The following BACH2 variants were observed in gnomAD, a reference collection of about 807,000 sequenced individuals.
BACH2 encodes the protein transcription regulator protein BACH2.
BACH2 carries 5 observed loss-of-function variants against 61.8 expected under a neutral mutation model. That is an observed-to-expected ratio of 0.08 (90% CI 0.04 to 0.17). BACH2 has a LOEUF of 0.17. BACH2 is among the 10% of genes least tolerant of loss of function. The probability of loss-of-function intolerance (pLI) is 1.00; values close to 1 mark genes in which losing one functional copy is unlikely to be tolerated. For missense variants in BACH2, 824 were observed against 1,091.1 expected (o/e 0.76, Z 3.45); for synonymous variants, 446 against 440.1 (o/e 1.01, Z -0.17).
At chr6:89,986,665 A>G (rs1776258003) in intron 6 of BACH2, among the ~76,000 whole-genome samples, 1 of 152,150 alleles carries the variant, frequency 6.6e-6, no homozygotes, top group Non-Finnish European at 1.5e-5. Flanking sequence ...GGTGAGTAAA[A>G]CAAAGTCTTT....
chr6:90,221,325 A>C (rs956579359), intron 3 of BACH2, among the ~76,000 whole-genome samples: 1 of 152,172 alleles, frequency 6.6e-6, no homozygotes, highest in Non-Finnish European at 1.5e-5. Flanking sequence ...ATTTTATTGA[A>C]CACAAAACCT....
In BACH2 at chr6:89,944,514, A is replaced by G. The variant is rs530037158; in HGVS notation, c.1836+5756T>C. 4.6e-5 allele frequency among the ~76,000 whole-genome samples: 7 copies of G among 152,354 alleles called. No individual in the cohort carries two copies. In the East Asian group the frequency reaches 1.4e-3, roughly 29 times the overall value. On this transcript the variant is annotated intron_variant, in intron 7 of 8. Transcript: ENST00000257749. ...TTTATTAAGCAGACCAATTACAGAC[A>G]CTTCTAAAAACTTGCCTGATTCACC...
chr6:90,164,848 T>G (rs1476503750), intron 4 of BACH2, among the ~76,000 whole-genome samples: 1 of 152,176 alleles, frequency 6.6e-6, no homozygotes, highest in Non-Finnish European at 1.5e-5. Context: ...AAAAGGCCTT[T>G]GACAAAATTC....
chr6:90,197,070 G>GT (rs987543538), intron 4 of BACH2, among the ~76,000 whole-genome samples: 11 of 152,206 alleles, frequency 7.2e-5, no homozygotes, highest in Non-Finnish European at 1.5e-4. Context: ...ACAGTATGAA[G>GT]TTTTTTTAAA....
chr6:90,174,316 T>G (rs1767918108), intron 4 of BACH2, among the ~76,000 whole-genome samples: 4 of 151,986 alleles, frequency 2.6e-5, no homozygotes, highest in African/African-American at 9.7e-5. Flanking sequence ...TATGATTATC[T>G]CAAAGAATAT....
At chr6:89,957,917 T>G (rs1215358714) in intron 6 of BACH2, among the ~76,000 whole-genome samples, 1 of 152,234 alleles carries the variant, frequency 6.6e-6, no homozygotes, top group Admixed American at 6.5e-5. Flanking sequence ...AAATCAACAT[T>G]GAAATTGATT....
chr6:90,127,206 G>A (rs1295756586), intron 4 of BACH2, among the ~76,000 whole-genome samples: 2 of 152,190 alleles, frequency 1.3e-5, no homozygotes, highest in Non-Finnish European at 2.9e-5. Context: ...CACTGAAGTT[G>A]CTCCAAAGAG....
intron 5 of BACH2, among the ~76,000 whole-genome samples, chr6:90,082,212 T>C (rs1013077211): frequency 6.6e-6 from 1 of 152,182 alleles, no homozygotes; most frequent in Non-Finnish European, 1.5e-5. Context: ...TACTAATTTC[T>C]AAATAATCAG....
chr6:90,257,483 C>T (rs769926793), intron 2 of BACH2, among the ~76,000 whole-genome samples: 5 of 152,132 alleles, frequency 3.3e-5, no homozygotes, highest in African/African-American at 9.7e-5. Flanking sequence ...GTTGTGTACC[C>T]TTTCATATGC....
At chr6:90,016,901 T>C (rs894478638) in intron 5 of BACH2, among the ~76,000 whole-genome samples, 12 of 152,156 alleles carry the variant, frequency 7.9e-5, no homozygotes, top group Non-Finnish European at 1.5e-4. Context: ...TCCTCATCTT[T>C]GTTCCTCTGT....
chr6:90,153,318 C>T (rs1784891357), intron 4 of BACH2, among the ~76,000 whole-genome samples: 1 of 152,118 alleles, frequency 6.6e-6, no homozygotes. Context: ...GGGCAAGTCA[C>T]TGTATATCTA....
intron 3 of BACH2, among the ~76,000 whole-genome samples, chr6:90,227,430 G>A (rs1299536773): frequency 6.6e-6 from 1 of 152,140 alleles, no homozygotes. Context: ...GGAAAAATTA[G>A]GAAATATCAG....
At chr6:90,190,279 T>C (rs887525203) in intron 4 of BACH2, among the ~76,000 whole-genome samples, 1 of 152,198 alleles carries the variant, frequency 6.6e-6, no homozygotes, top group Non-Finnish European at 1.5e-5. Flanking sequence ...ATTCCAAGCG[T>C]CTGAGATTCC....
chr6:90,068,640 T>G (rs74407147), intron 5 of BACH2, among the ~76,000 whole-genome samples: 1 of 147,614 alleles, frequency 6.8e-6, no homozygotes, highest in African/African-American at 2.4e-5. Context: ...TTGTTGTTGT[T>G]TTTTTTTTTT....
intron 4 of BACH2, among the ~76,000 whole-genome samples, chr6:90,116,497 A>G (rs909920010): frequency 6.6e-6 from 1 of 152,140 alleles, no homozygotes; most frequent in Non-Finnish European, 1.5e-5. Context: ...TACTTGAGGA[A>G]GGAGGGTGGG....
chr6:90,234,603 A>G (rs1053248091), intron 3 of BACH2, among the ~76,000 whole-genome samples: 1 of 152,232 alleles, frequency 6.6e-6, no homozygotes, highest in Non-Finnish European at 1.5e-5. Context: ...TAGATGAACT[A>G]AACTGTTTAT....
chr6:90,121,668 G>A (rs1244332658), intron 4 of BACH2, among the ~76,000 whole-genome samples: 3 of 151,984 alleles, frequency 2.0e-5, no homozygotes, highest in Non-Finnish European at 4.4e-5. Context: ...TCAGCCTCCC[G>A]AGTAGCTGGG....
intron 6 of BACH2, among the ~76,000 whole-genome samples, chr6:89,955,608 A>G (rs1348041582): frequency 6.6e-6 from 1 of 152,140 alleles, no homozygotes; most frequent in Admixed American, 6.5e-5. Flanking sequence ...CGCTCCAGAT[A>G]CACAAAACAG....
At chr6:90,070,968 T>C (rs1157095548) in intron 5 of BACH2, among the ~76,000 whole-genome samples, 1 of 152,218 alleles carries the variant, frequency 6.6e-6, no homozygotes, top group Non-Finnish European at 1.5e-5. Context: ...TGTTTTCCTT[T>C]TCTTTCCTTT....
Sources: allele counts gnomAD v4.1 joint callset (sites outside exome capture counted in the v4.1 genomes callset), GRCh38; gene constraint gnomAD v4.1.1; transcripts MANE v1.5; gene names NCBI Gene and HGNC (gene_info 2026-07-23, HGNC 2026-07-21).